PRKG1: variants seen among roughly 807,000 people sequenced by gnomAD.
PRKG1 encodes cGMP-dependent protein kinase 1.
In PRKG1, 35 loss-of-function variants were observed where a neutral mutation model predicts 88.1. The ratio of observed to expected loss-of-function variants is 0.40; its 90% CI spans 0.30 to 0.53. The LOEUF is 0.53. PRKG1 is among the 20% of genes least tolerant of loss of function. The pLI is 0.59. For synonymous variants in PRKG1, 303 were observed against 292.5 expected, an observed-to-expected ratio of 1.04 and a Z score of -0.37; for missense variants, 540 against 839.8, an observed-to-expected ratio of 0.64 and a Z score of 4.41.
chr10:51,155,014 T>C (rs2131978431), intron 2 of PRKG1, among the ~76,000 whole-genome samples: 1 of 152,144 alleles, frequency 6.6e-6, no homozygotes, highest in South Asian at 2.1e-4. Context: ...TAGCTTCATA[T>C]GATATTATTT....
At chr10:51,014,896 A>G (rs1326964447) in intron 1 of PRKG1, among the ~76,000 whole-genome samples, 7 of 152,184 alleles carry the variant, frequency 4.6e-5, no homozygotes, top group Non-Finnish European at 1.5e-5. Flanking sequence ...AAAAATAAAC[A>G]AAGACTTGGT....
intron 7 of PRKG1, among the ~76,000 whole-genome samples, chr10:52,103,132 G>A (rs530922300): frequency 9.9e-5 from 15 of 152,162 alleles, no homozygotes; most frequent in Non-Finnish European, 2.1e-4. Flanking sequence ...ATGATCTGAG[G>A]TGGAACAGTT....
intron 8 of PRKG1, among the ~76,000 whole-genome samples, chr10:52,153,673 C>A (rs988169440): frequency 5.3e-5 from 8 of 152,182 alleles, no homozygotes; most frequent in Non-Finnish European, 8.8e-5. Flanking sequence ...CAGAGTAGAA[C>A]TGACGGGAAC....
rs576856492 is a variant in PRKG1 at position 52,289,493 on chromosome 10, C to A, written c.1895+500C>A. Among the ~76,000 whole-genome samples, 16 of 152,168 alleles carry A rather than the reference C, an allele frequency of 1.1e-4. No homozygotes were observed. In the East Asian group the frequency reaches 2.9e-3, roughly 28 times the overall value. On this transcript the variant is annotated intron_variant, in intron 16 of 17. Transcript: ENST00000373980. ...GTTGATTGGATGTTCTAAAGCTAAACTAATTGGGTTTTCTCTATTTGTTTG... is the reference window on the plus strand; with the variant it reads ...GTTGATTGGATGTTCTAAAGCTAAAATAATTGGGTTTTCTCTATTTGTTTG...
intron 5 of PRKG1, among the ~76,000 whole-genome samples, chr10:51,977,152 C>T (rs1384657522): frequency 6.6e-6 from 1 of 151,902 alleles, no homozygotes; most frequent in Non-Finnish European, 1.5e-5. Context: ...CAAGTGTCTG[C>T]TCCCCTCTAT....
intron 5 of PRKG1, among the ~76,000 whole-genome samples, chr10:51,930,772 T>G (rs746444410): frequency 2.6e-5 from 4 of 152,140 alleles, no homozygotes; most frequent in Non-Finnish European, 5.9e-5. Context: ...ATTACAGGTG[T>G]CAGCCACTGC....
At chr10:51,269,454 G>A (rs1301647161) in intron 2 of PRKG1, among the ~76,000 whole-genome samples, 2 of 152,072 alleles carry the variant, frequency 1.3e-5, no homozygotes, top group African/African-American at 4.8e-5. Flanking sequence ...GCAGAAGTAT[G>A]GAACCAACTT....
intron 2 of PRKG1, among the ~76,000 whole-genome samples, chr10:51,443,824 C>A (rs1839191366): frequency 6.6e-6 from 1 of 151,992 alleles, no homozygotes; most frequent in Admixed American, 6.6e-5. Flanking sequence ...TCAGTACTTA[C>A]AAATCTGTAG....
chr10:52,139,566 C>T (rs1159460026), intron 8 of PRKG1, among the ~76,000 whole-genome samples: 1 of 152,122 alleles, frequency 6.6e-6, no homozygotes, highest in African/African-American at 2.4e-5. Context: ...GAAGATCACA[C>T]AGTGAACCAG....
At chr10:51,118,635 G>A (rs529055013) in intron 1 of PRKG1, among the ~76,000 whole-genome samples, 40 of 152,058 alleles carry the variant, frequency 2.6e-4, no homozygotes, top group African/African-American at 7.9e-4. Context: ...TCAGTTTTTC[G>A]AATGAGTACT....
chr10:51,008,531 T>C (rs1043294426), intron 1 of PRKG1, among the ~76,000 whole-genome samples: 3 of 152,204 alleles, frequency 2.0e-5, no homozygotes, highest in African/African-American at 7.2e-5. Flanking sequence ...ATTCCATGAC[T>C]TGGACTTGCA....
intron 3 of PRKG1, among the ~76,000 whole-genome samples, chr10:51,535,743 T>C (rs1342795323): frequency 8.3e-6 from 1 of 120,318 alleles, no homozygotes; most frequent in Non-Finnish European, 1.9e-5. Flanking sequence ...TTTTTTTTTT[T>C]AAACGGAGTC....
intron 1 of PRKG1, among the ~76,000 whole-genome samples, chr10:51,137,394 C>T (rs1845715362): frequency 6.6e-6 from 1 of 152,078 alleles, no homozygotes; most frequent in African/African-American, 2.4e-5. Flanking sequence ...CCCAAGCTAA[C>T]TGAAATCAAA....
chr10:52,232,233 G>A (rs191579175), intron 9 of PRKG1, among the ~76,000 whole-genome samples: 16 of 152,116 alleles, frequency 1.1e-4, no homozygotes, highest in South Asian at 8.3e-4. Flanking sequence ...AACCCGGGAG[G>A]TGGAGGATGC....
intron 7 of PRKG1, among the ~76,000 whole-genome samples, chr10:52,102,479 G>A (rs1158153784): frequency 6.6e-6 from 1 of 151,444 alleles, no homozygotes; most frequent in Admixed American, 6.6e-5. Flanking sequence ...AAGCCATCAA[G>A]CCCAAAACAA....
At chr10:52,150,572 T>A (rs753766559) in intron 8 of PRKG1, among the ~76,000 whole-genome samples, 19 of 152,200 alleles carry the variant, frequency 1.2e-4, no homozygotes, top group Non-Finnish European at 2.2e-4. Context: ...CATTCATTGG[T>A]AAGCTTCTAA....
chr10:52,157,316 T>TAC (rs1838143305), intron 8 of PRKG1, among the ~76,000 whole-genome samples: 1 of 43,600 alleles, frequency 2.3e-5, no homozygotes, highest in Non-Finnish European at 4.8e-5. Context: ...GATATATATA[T>TAC]ATATATATAT....
chr10:52,014,960 C>T (rs1221770496), intron 5 of PRKG1, among the ~76,000 whole-genome samples: 1 of 152,238 alleles, frequency 6.6e-6, no homozygotes, highest in Admixed American at 6.5e-5. Flanking sequence ...AGGGTACAGC[C>T]CCCACAGCTG....
intron 2 of PRKG1, among the ~76,000 whole-genome samples, chr10:51,455,176 C>T (rs1398666711): frequency 6.6e-6 from 1 of 152,238 alleles, no homozygotes; most frequent in Admixed American, 6.5e-5. Flanking sequence ...CAAGCTCTAC[C>T]TTGGCCTCTT....
Sources: allele counts gnomAD v4.1 joint callset (sites outside exome capture counted in the v4.1 genomes callset), GRCh38; gene constraint gnomAD v4.1.1; transcripts MANE v1.5; gene names NCBI Gene and HGNC (gene_info 2026-07-23, HGNC 2026-07-21).